The following SNRK variants were observed in gnomAD, a reference collection of about 807,000 sequenced individuals.
SNRK encodes the protein SNF related kinase, also known as SNF-related serine/threonine-protein kinase.
A neutral mutation model predicts 48.2 loss-of-function variants in SNRK; 3 were observed. The ratio of observed to expected loss-of-function variants is 0.06; its 90% CI spans 0.03 to 0.16. SNRK has a LOEUF of 0.16. Ranked by LOEUF, SNRK falls within the 10% of genes least tolerant of loss-of-function variation. SNRK has a pLI of 1.00. For synonymous variants in SNRK, 376 were observed against 366.1 expected (o/e 1.03, Z -0.31); for missense variants, 627 against 976.0 (o/e 0.64, Z 4.76).
chr3:43,328,784 T>C (rs1575551727), intron 3 of SNRK, among the ~76,000 whole-genome samples: 1 of 152,294 alleles, frequency 6.6e-6, no homozygotes, highest in African/African-American at 2.4e-5. Flanking sequence ...ACTTACCTAC[T>C]GTCTGTTTCC....
intron 4 of SNRK, among the ~76,000 whole-genome samples, chr3:43,336,954 G>T (rs142998761): frequency 6.6e-6 from 1 of 152,068 alleles, no homozygotes; most frequent in African/African-American, 2.4e-5. Flanking sequence ...GGTTTTCACC[G>T]TGTTAGCCAG....
intron 6 of SNRK, among the ~76,000 whole-genome samples, chr3:43,345,827 C>T (rs1190127084): frequency 6.6e-6 from 1 of 152,060 alleles, no homozygotes; most frequent in African/African-American, 2.4e-5. Context: ...AGAACAGATT[C>T]TGTTTCAGAT....
chr3:43,296,775 G>A (rs191689341), intron 1 of SNRK, among the ~76,000 whole-genome samples: 9 of 152,254 alleles, frequency 5.9e-5, no homozygotes, highest in African/African-American at 1.9e-4. Flanking sequence ...GAATAACAGG[G>A]TGAATTCCAA....
At chr3:43,335,819 T>C (rs1438541037) in intron 4 of SNRK, among the ~76,000 whole-genome samples, 3 of 152,244 alleles carry the variant, frequency 2.0e-5, no homozygotes, top group African/African-American at 7.2e-5. Flanking sequence ...TGGCCCTCTT[T>C]AGTACTGCTT....
chr3:43,304,112 T>C (rs1195160188), intron 3 of SNRK, among the ~76,000 whole-genome samples: 1 of 152,206 alleles, frequency 6.6e-6, no homozygotes, highest in Non-Finnish European at 1.5e-5. Flanking sequence ...TTAGTGGCTC[T>C]CTTTAGCCAT....
rs764400135 is a variant in SNRK, at chr3:43,347,569, G to A, written c.1310G>A (p.Ser437Asn). ...VPPASLKPTASGRKCLFRVEE... is the reference protein window; with the variant it reads ...VPPASLKPTANGRKCLFRVEE... ...CCCGCAAGCTTAAAACCCACAGCCAGTGGGCGGAAGTGTCTGTTCAGGGTG... is the reference window on the plus strand; with the variant it reads ...CCCGCAAGCTTAAAACCCACAGCCAATGGGCGGAAGTGTCTGTTCAGGGTG... The change falls in exon 7 of 7, where the codon AGT becomes AAT. Residue 437 changes from serine (S) to asparagine (N), a missense_variant. Ser to Asn is a conservative substitution (Grantham distance 46). This residue lies in a region of SNRK where 175 missense variants were observed against 209.7 expected (regional missense o/e 0.83). Coordinates refer to ENST00000296088, the MANE Select transcript of SNRK (RefSeq NM_017719.5). This position sits in a 1 kb window ranked among gnomAD's most constrained non-coding sequence, Gnocchi z 5.4. The A allele has an allele frequency of 1.9e-6, 3 of 1,614,074 alleles. No individual in the cohort carries two copies. The South Asian group carries it at 3.3e-5, about 18-fold the overall frequency.
intron 3 of SNRK, among the ~76,000 whole-genome samples, chr3:43,317,274 T>C (rs1191007447): frequency 6.6e-6 from 1 of 152,114 alleles, no homozygotes; most frequent in Non-Finnish European, 1.5e-5. Context: ...TAGGGGCAGG[T>C]TTTCTTTCCT....
intron 1 of SNRK, among the ~76,000 whole-genome samples, chr3:43,298,746 G>A (rs1049650413): frequency 6.6e-6 from 1 of 152,200 alleles, no homozygotes; most frequent in Non-Finnish European, 1.5e-5. Flanking sequence ...GACCTGCAAG[G>A]CTACCTTGGT....
At chr3:43,299,260 C>T (rs1326239041) in intron 1 of SNRK, among the ~76,000 whole-genome samples, 1 of 152,154 alleles carries the variant, frequency 6.6e-6, no homozygotes, top group Non-Finnish European at 1.5e-5. Flanking sequence ...TCATTGCAAC[C>T]TCCGCCTCCT....
intron 3 of SNRK, among the ~76,000 whole-genome samples, chr3:43,325,048 C>A (rs879313768): frequency 1.1e-4 from 17 of 152,206 alleles, no homozygotes; most frequent in Non-Finnish European, 2.1e-4. Context: ...AAAGAGAACC[C>A]ATTTTCTTAG....
chr3:43,321,350 T>G (rs1273675249), intron 3 of SNRK, among the ~76,000 whole-genome samples: 1 of 152,162 alleles, frequency 6.6e-6, no homozygotes, highest in African/African-American at 2.4e-5. Flanking sequence ...TCAGAATCCT[T>G]AGCTATCCAT....
intron 3 of SNRK, among the ~76,000 whole-genome samples, chr3:43,325,156 G>T (rs2091085944): frequency 6.6e-6 from 1 of 152,084 alleles, no homozygotes; most frequent in African/African-American, 2.4e-5. Context: ...AAAAGACTGT[G>T]TTTTTTGGTT....
At chr3:43,307,985 GAA>G (rs2090951521) in intron 3 of SNRK, among the ~76,000 whole-genome samples, 1 of 152,230 alleles carries the variant, frequency 6.6e-6, no homozygotes, top group African/African-American at 2.4e-5. Flanking sequence ...CGAATGGTAA[GAA>G]AGTGAAACAG....
chr3:43,324,113 A>G (rs1034513), intron 3 of SNRK, among the ~76,000 whole-genome samples: 138,421 of 152,290 alleles, frequency 0.91, 64,291 homozygotes, highest in East Asian at 1. Context: ...TCAGGCCAGT[A>G]TACATTGAAA....
intron 3 of SNRK, among the ~76,000 whole-genome samples, chr3:43,320,665 G>C (rs886756918): frequency 6.7e-6 from 1 of 149,000 alleles, no homozygotes; most frequent in Admixed American, 6.7e-5. Context: ...GAGTAGCTGG[G>C]TTTTTTTTTT....
chr3:43,334,817 C>A (rs902766079), intron 4 of SNRK, among the ~76,000 whole-genome samples: 1 of 152,172 alleles, frequency 6.6e-6, no homozygotes, highest in African/African-American at 2.4e-5. Flanking sequence ...TGGTCTCAAT[C>A]TCTTAACCTC....
At position 43,349,605 on chromosome 3, in the gene SNRK, T is replaced by A. The variant is rs549421289; in HGVS notation, c.*1048T>A. 1.4e-4 allele frequency: 22 copies of A among 152,288 alleles called. No individual in the cohort carries two copies. The highest frequency in any genetic ancestry group is 4.6e-4 in the African/African-American group (19 of 41,542). The allele number at this position is 152,288 out of a possible 1,614,324, so 9.4% of individuals were successfully genotyped here. ...TGATGAAAAAATATACATAAAAGGG[T>A]AAAATTCACACATACAGCAAACAAA... On this transcript the variant is annotated 3_prime_UTR_variant, in exon 7 of 7. Transcript: ENST00000296088.
chr3:43,322,874 C>G (rs915844733), intron 3 of SNRK, among the ~76,000 whole-genome samples: 8 of 139,306 alleles, frequency 5.7e-5, no homozygotes, highest in African/African-American at 2.1e-4. Flanking sequence ...ATGGCGTGAA[C>G]CCGGGAGGCG....
chr3:43,303,199 C>T lies in SNRK; in HGVS notation c.-5C>T, dbSNP rs764460610. 1.2e-5 allele frequency: 19 copies of T among 1,604,160 alleles called. No individual in the cohort carries two copies. Among genetic ancestry groups the T allele is most frequent in the Non-Finnish European group, 1.5e-5 (18 of 1,172,578 alleles). On this transcript the variant is annotated 5_prime_UTR_variant, in exon 3 of 7. Transcript: ENST00000296088. The surrounding 1 kb of genome is among the most constrained non-coding windows in gnomAD (Gnocchi z 6.2). ...TCTAAATATTTTTTCTTCTGTTGGACCAGCATGGCAGGATTTAAGCGAGGG... is the reference window on the plus strand; with the variant it reads ...TCTAAATATTTTTTCTTCTGTTGGATCAGCATGGCAGGATTTAAGCGAGGG...
Sources: allele counts gnomAD v4.1 joint callset (sites outside exome capture counted in the v4.1 genomes callset), GRCh38; gene constraint gnomAD v4.1.1; regional missense constraint gnomAD v4.1.1; non-coding constraint Gnocchi (gnomAD v3.1); transcripts MANE v1.5; gene names NCBI Gene and HGNC (gene_info 2026-07-23, HGNC 2026-07-21).